AHI1: variants seen among roughly 807,000 people sequenced by gnomAD.
AHI1 encodes jouberin.
Under a neutral mutation model 149.3 loss-of-function variants are expected in AHI1, and 123 were observed. The observed-to-expected ratio is 0.82, with a 90% CI of 0.71 to 0.96. AHI1 has a LOEUF of 0.96. AHI1 is among the 40% of genes least tolerant of loss of function. The pLI, the probability that AHI1 is intolerant of heterozygous loss-of-function variation, is 0.00. For missense variants in AHI1, 1,439 were observed against 1,422.7 expected, an observed-to-expected ratio of 1.01 and a Z score of -0.18; for synonymous variants, 475 against 459.8, an observed-to-expected ratio of 1.03 and a Z score of -0.42.
chr6:135,359,285 T>G (rs1793483341), intron 23 of AHI1, among the ~76,000 whole-genome samples: 1 of 152,334 alleles, frequency 6.6e-6, no homozygotes, highest in African/African-American at 2.4e-5. Context: ...TGACTAATAT[T>G]TTTGAGTGGT....
intron 5 of AHI1, among the ~76,000 whole-genome samples, chr6:135,478,357 G>C (rs1220821267): frequency 6.6e-6 from 1 of 152,178 alleles, no homozygotes. Flanking sequence ...GTCTCAAATG[G>C]AGATGAAGAA....
Position 135,495,806 on chromosome 6 carries a change from C to G in AHI1, c.-55+8G>C, listed in dbSNP as rs2128140889. ...GACTCAGGCTTGAGCTCTAGTGTCA[C>G]CACTTACTGATGTGTGGCCTTGGGC... On this transcript the variant is annotated splice_region_variant and intron_variant, in intron 3 of 28. Transcript: ENST00000265602. 6.6e-6 allele frequency: 1 copy of G among 152,330 alleles called. No individual in the cohort carries two copies. The highest frequency in any genetic ancestry group is 1.5e-5 in the Non-Finnish European group (1 of 68,030). The allele number at this position is 152,330 out of a possible 1,614,324, so 9.4% of individuals were successfully genotyped here.
intron 20 of AHI1, among the ~76,000 whole-genome samples, chr6:135,411,871 ATATT>A (rs1430432933): frequency 2.0e-5 from 3 of 152,164 alleles, no homozygotes; most frequent in African/African-American, 4.8e-5. Context: ...TGCTAAAATA[ATATT>A]TATTCACAAG....
At chr6:135,374,912 A>G (rs1057194456) in intron 23 of AHI1, among the ~76,000 whole-genome samples, 1 of 152,228 alleles carries the variant, frequency 6.6e-6, no homozygotes, top group African/African-American at 2.4e-5. Flanking sequence ...TCAGTGGAAT[A>G]TTCAATAAAC....
At chr6:135,485,277 G>A (rs996288287) in intron 5 of AHI1, among the ~76,000 whole-genome samples, 2 of 152,118 alleles carry the variant, frequency 1.3e-5, no homozygotes, top group African/African-American at 2.4e-5. Context: ...GTTTCAACAT[G>A]TTGGCCAGGC....
At chr6:135,362,435 G>C (rs1226223235) in intron 23 of AHI1, among the ~76,000 whole-genome samples, 1 of 152,098 alleles carries the variant, frequency 6.6e-6, no homozygotes, top group African/African-American at 2.4e-5. Context: ...AGTTCTTTAA[G>C]GAATCTCCAC....
At chr6:135,289,542 C>A (rs1402162875) in intron 28 of AHI1, among the ~76,000 whole-genome samples, 1 of 151,974 alleles carries the variant, frequency 6.6e-6, no homozygotes, top group Non-Finnish European at 1.5e-5. Context: ...ATGGGTAAAT[C>A]TCTTCCATCC....
In AHI1 at chr6:135,290,520, T is replaced by G. The variant is rs1232167375; in HGVS notation, c.3491A>C (p.Glu1164Ala). The G allele has an allele frequency of 6.2e-7, 1 of 1,613,616 alleles. No homozygotes were observed. Among genetic ancestry groups the G allele is most frequent in the Non-Finnish European group, 8.5e-7 (1 of 1,179,812 alleles). Residue 1164 changes from glutamate to alanine, a missense_variant, in exon 28 of 29, where the codon GAA (glutamate) becomes GCA (alanine). Transcript: ENST00000265602. ...CTCATGGCTCTGTTCTTTTCTCATT[T>G]CAGAACTATAGGAGGGAAAGATCAG... Reference protein sequence around the residue: ...RLGSESMTHSEMRKEQSHEDQ... With the variant: ...RLGSESMTHSAMRKEQSHEDQ...
In AHI1 at chr6:135,285,417, A is replaced by T. The variant is rs1781563542; in HGVS notation, c.*228T>A. On this transcript the variant is annotated 3_prime_UTR_variant, in exon 29 of 29. Transcript: ENST00000265602. ...TAACAATATAAGTACCAATACTTTGACCAACAATAGTCACAATGGTTTATA... is the reference window on the plus strand; with the variant it reads ...TAACAATATAAGTACCAATACTTTGTCCAACAATAGTCACAATGGTTTATA... 3 of 587,122 alleles carry T rather than the reference A, an allele frequency of 5.1e-6. No homozygotes were observed. The East Asian group carries it at 8.4e-5, about 16-fold the overall frequency. 36.4% of individuals were successfully genotyped at this position (587,122 alleles called of 1,614,324 possible). A position where few individuals can be genotyped will look rare whatever the true frequency, so the allele number is the denominator to read the frequency against.
chr6:135,443,104 C>A (rs1165524212), intron 13 of AHI1, among the ~76,000 whole-genome samples: 1 of 152,296 alleles, frequency 6.6e-6, no homozygotes. Flanking sequence ...TTTAAGACCA[C>A]AAGTACCTAT....
At chr6:135,332,173 G>T (rs1057117648) in intron 24 of AHI1, among the ~76,000 whole-genome samples, 6 of 151,616 alleles carry the variant, frequency 4.0e-5, no homozygotes, top group Admixed American at 3.9e-4. Flanking sequence ...GGGTTCAAGC[G>T]ATTTTCCTGC....
At position 135,352,129 on chromosome 6, in the gene AHI1, C is replaced by T. The variant is rs149760306; in HGVS notation, c.3165+6003G>A. 1.8e-3 allele frequency among the ~76,000 whole-genome samples: 279 copies of T among 152,276 alleles called. 1 individual carries two copies. Among genetic ancestry groups the T allele is most frequent in the African/African-American group, 6.5e-3 (271 of 41,546 alleles). The stretch of plus-strand genomic sequence containing the variant: ...TTCTGTAGCTTCACAGCTCAGTTAC[C>T]TTCTTCCTAACGCCACCACCTGCAA... On this transcript the variant is annotated intron_variant, in intron 24 of 28. Coordinates refer to ENST00000265602, the MANE Select transcript of AHI1 (RefSeq NM_001134831.2).
chr6:135,466,501 T>A, intron 6 of AHI1, 128 bp from the exon 7 acceptor site: 1 of 831,564 alleles, frequency 1.2e-6, no homozygotes, highest in Non-Finnish European at 1.9e-6. Context: ...CATCTGGACA[T>A]AGTGACACTA....
intron 23 of AHI1, among the ~76,000 whole-genome samples, chr6:135,380,740 C>G (rs1006644809): frequency 8.1e-6 from 1 of 122,848 alleles, no homozygotes; most frequent in Admixed American, 7.6e-5. Context: ...AACCCCCCCC[C>G]CCCCAAAAAA....
At chr6:135,391,978 G>A (rs887502352) in intron 23 of AHI1, among the ~76,000 whole-genome samples, 1 of 152,158 alleles carries the variant, frequency 6.6e-6, no homozygotes, top group Non-Finnish European at 1.5e-5. Flanking sequence ...TTGGTAGTAG[G>A]GGAAGTGGAG....
chr6:135,320,023 C>T (rs1786563804), intron 25 of AHI1, among the ~76,000 whole-genome samples: 1 of 152,140 alleles, frequency 6.6e-6, no homozygotes, highest in Non-Finnish European at 1.5e-5. Flanking sequence ...GCATAGTTGG[C>T]TTCAGATAAA....
intron 23 of AHI1, among the ~76,000 whole-genome samples, chr6:135,383,536 T>C (rs565073167): frequency 6.6e-6 from 1 of 152,250 alleles, no homozygotes; most frequent in South Asian, 2.1e-4. Flanking sequence ...TGAACCCATT[T>C]TTCATACCCA....
intron 21 of AHI1, among the ~76,000 whole-genome samples, chr6:135,410,292 C>T (rs1781398856): frequency 6.6e-6 from 1 of 152,168 alleles, no homozygotes; most frequent in Admixed American, 6.5e-5. Flanking sequence ...ATTGCTTGAG[C>T]CCAGGCGTTC....
intron 26 of AHI1, chr6:135,301,295 C>T (rs192158939): frequency 1.0e-3 from 980 of 976,894 alleles, no homozygotes; most frequent in Middle Eastern, 1.6e-3. Context: ...TAAATTGTTA[C>T]TATGTTTAAG....
Sources: allele counts gnomAD v4.1 joint callset (sites outside exome capture counted in the v4.1 genomes callset), GRCh38; gene constraint gnomAD v4.1.1; transcripts MANE v1.5; gene names NCBI Gene and HGNC (gene_info 2026-07-23, HGNC 2026-07-21).